The following TAS1R1 variants were observed in gnomAD, a reference collection of about 807,000 sequenced individuals.
TAS1R1 encodes the protein taste 1 receptor member 1, also known as taste receptor type 1 member 1.
Under a neutral mutation model 45.8 loss-of-function variants are expected in TAS1R1, and 31 were observed. The observed-to-expected ratio is 0.68, with a 90% confidence interval of 0.51 to 0.91. The LOEUF (loss-of-function observed/expected upper bound fraction) is 0.91. TAS1R1 is among the 40% of genes least tolerant of loss of function. The pLI is 0.00. For missense variants in TAS1R1, 1,051 were observed against 1,063.9 expected, an observed-to-expected ratio of 0.99 and a Z score of 0.17; for synonymous variants, 437 against 448.4, an observed-to-expected ratio of 0.97 and a Z score of 0.32.
intron 1 of TAS1R1, among the ~76,000 whole-genome samples, chr1:6,566,627 G>T (rs796747223): frequency 1.3e-5 from 2 of 152,188 alleles, no homozygotes; most frequent in South Asian, 2.1e-4. Flanking sequence ...ATGGAGTCTC[G>T]CTCTGTTGCC....
At position 6,555,506 on chromosome 1, in the gene TAS1R1, C is replaced by T. The variant is rs748757585; in HGVS notation, c.133C>T (p.Pro45Ser). 37 of 1,564,328 alleles carry T rather than the reference C, an allele frequency of 2.4e-5. No homozygotes were observed. The highest frequency in any genetic ancestry group is 4.7e-5 in the South Asian group (4 of 85,146). The change falls in exon 1 of 6, where the codon CCT becomes TCT. Residue 45 changes from proline (P) to serine (S), a missense_variant. Coordinates refer to ENST00000333172, the MANE Select transcript of TAS1R1 (RefSeq NM_138697.4). The stretch of plus-strand genomic sequence containing the variant: ...AGATTACCTCCTGGCAGGCCTGTTC[C>T]CTCTCCATTCTGGCTGTCTGCAGGT... Reference protein sequence around the residue: ...PGDYLLAGLFPLHSGCLQVRH... With the variant: ...PGDYLLAGLFSLHSGCLQVRH...
intron 2 of TAS1R1, among the ~76,000 whole-genome samples, 188 bp downstream of exon 2, chr1:6,571,403 A>G (rs911363357): frequency 3.9e-5 from 6 of 152,098 alleles, no homozygotes; most frequent in Non-Finnish European, 8.8e-5. Flanking sequence ...CTCTCTTTCC[A>G]GAGCTGCTTC....
chr1:6,573,914 C>A (rs998015028), intron 2 of TAS1R1, among the ~76,000 whole-genome samples: 1 of 152,106 alleles, frequency 6.6e-6, no homozygotes, highest in African/African-American at 2.4e-5. Context: ...CCACCCACCT[C>A]GGCCTCCCAA....
intron 1 of TAS1R1, 134 bp downstream of exon 1, chr1:6,555,698 A>G (rs2148664843): frequency 3.7e-6 from 3 of 803,186 alleles, no homozygotes; most frequent in Non-Finnish European, 3.8e-6. Context: ...TCATCAATCC[A>G]CTTGCCACCT....
At position 6,574,701 on chromosome 1, in the gene TAS1R1, C is replaced by T. The variant is rs1425821252; in HGVS notation, c.569C>T (p.Pro190Leu). The change falls in exon 3 of 6, where the codon CCC becomes CTC. Residue 190 changes from proline to leucine, a missense_variant. By Grantham distance (98) the Pro-to-Leu change is moderately conservative. Coordinates refer to ENST00000333172, the MANE Select transcript of TAS1R1 (RefSeq NM_138697.4). The surrounding 1 kb of genome is among the most constrained non-coding windows in gnomAD (Gnocchi z 4.3). ...TATCCCTCTTTCCTGCGCACCATCC[C>T]CAATGACAAGTACCAGGTGGAGACC... ...RQYPSFLRTIPNDKYQVETMV... is the reference protein window; with the variant it reads ...RQYPSFLRTILNDKYQVETMV... The T allele has an allele frequency of 2.5e-6, 4 of 1,614,244 alleles. No homozygotes were observed. Among genetic ancestry groups the T allele is most frequent in the Non-Finnish European group, 3.4e-6 (4 of 1,180,038 alleles).
Position 6,578,700 on chromosome 1 carries a change from G to A in TAS1R1, c.1642G>A (p.Gly548Arg), listed in dbSNP as rs975043357. ...PCGKEEWAPE[G>R]SQTCFPRTVV... ...TGGGAAAGAAGAGTGGGCACCTGAGGGAAGCCAGACCTGCTTCCCGCGCAC... is the reference window on the plus strand; with the variant it reads ...TGGGAAAGAAGAGTGGGCACCTGAGAGAAGCCAGACCTGCTTCCCGCGCAC... Residue 548 changes from glycine to arginine, a missense_variant, in exon 6 of 6, where the codon GGA becomes AGA. By Grantham distance (125) the Gly-to-Arg change is moderately radical. Transcript: ENST00000333172. The A allele has an allele frequency of 1.2e-6, 2 of 1,604,512 alleles. No homozygotes were observed. Among genetic ancestry groups the A allele is most frequent in the African/African-American group, 2.7e-5 (2 of 74,754 alleles).
At position 6,579,281 on chromosome 1, in the gene TAS1R1, T is replaced by G. The variant is rs766605928; in HGVS notation, c.2223T>G (p.Ser741Arg). Residue 741 changes from serine (S) to arginine (R), a missense_variant, in exon 6 of 6, where the codon AGT becomes AGG. Coordinates refer to ENST00000333172, the MANE Select transcript of TAS1R1 (RefSeq NM_138697.4). ...TCTACAATGGCCTCCTCTCCATCAG[T>G]GCCTTTGCCTGCAGCTACCTGGGTA... Reference protein sequence around the residue: ...AFLYNGLLSISAFACSYLGKD... With the variant: ...AFLYNGLLSIRAFACSYLGKD... 1 of 1,614,208 alleles carries G rather than the reference T, an allele frequency of 6.2e-7. No individual in the cohort carries two copies. Among genetic ancestry groups the G allele is most frequent in the East Asian group, 2.2e-5 (1 of 44,890 alleles).
Position 6,575,395 on chromosome 1 carries a change from A to G in TAS1R1, c.1260+3A>G. 1 of 1,551,348 alleles carries G rather than the reference A, an allele frequency of 6.4e-7. No individual in the cohort carries two copies. The highest frequency in any genetic ancestry group is 8.7e-7 in the Non-Finnish European group (1 of 1,151,412). On this transcript the variant is annotated splice_donor_region_variant and intron_variant, in intron 3 of 5. Transcript: ENST00000333172. ...GGGGCCGAGTCTACCCCTGGCAGGT[A>G]AGAGAGCCCACCCCAGCACCTCCTG...
At position 6,555,866 on chromosome 1, in the gene TAS1R1, C is replaced by CTTT. The variant is rs770363613; in HGVS notation, c.191+323_191+325dup. Among the ~76,000 whole-genome samples the CTTT allele has an allele frequency of 4.2e-4, 40 of 95,300 alleles. 7 individuals are homozygous for CTTT. Among genetic ancestry groups the CTTT allele is most frequent in the African/African-American group, 8.6e-4 (24 of 27,920 alleles). The allele number at this position is 95,300 out of a possible 152,430, so 62.5% of individuals were successfully genotyped here. A position where few individuals can be genotyped will look rare whatever the true frequency, so the allele number is the denominator to read the frequency against. On this transcript the variant is annotated intron_variant, in intron 1 of 5. Transcript: ENST00000333172. ...AAGCAAGGGCAGCTTTTTCCCTCTT[C>CTTT]TTTTTTTTTTTTTTTTTTTTTTTGA...
chr1:6,569,749 C>T (rs936487747), intron 1 of TAS1R1, among the ~76,000 whole-genome samples: 9 of 152,064 alleles, frequency 5.9e-5, no homozygotes, highest in South Asian at 2.1e-4. Flanking sequence ...ATGGAGGAAC[C>T]GGAGGCCTGG....
Position 6,563,076 on chromosome 1 carries a change from A to G in TAS1R1, c.191+7512A>G, listed in dbSNP as rs1181138541. Among the ~76,000 whole-genome samples, 4 of 152,352 alleles carry G rather than the reference A, an allele frequency of 2.6e-5. No individual in the cohort carries two copies. In the East Asian group the frequency reaches 7.7e-4, roughly 29 times the overall value. On this transcript the variant is annotated intron_variant, in intron 1 of 5. Coordinates refer to ENST00000333172, the MANE Select transcript of TAS1R1 (RefSeq NM_138697.4). ...TGGCAGGGAGGGGAGCTGTGCTGCA[A>G]GAGGCCCATGGGTGAATGGCCATAC... is the stretch of plus-strand genomic sequence containing the variant.
intron 5 of TAS1R1, 82 bp downstream of exon 5, chr1:6,577,152 G>T: frequency 6.3e-7 from 1 of 1,579,198 alleles, no homozygotes. Context: ...TGGGCCCCAT[G>T]TGCCCTGCCC....
In TAS1R1 at chr1:6,575,201, T is replaced by C; in HGVS notation, c.1069T>C (p.Trp357Arg). The change falls in exon 3 of 6, where the codon TGG becomes CGG. Residue 357 changes from tryptophan (W) to arginine (R), a missense_variant. By Grantham distance (101) the Trp-to-Arg change is moderately radical. Coordinates refer to ENST00000333172, the MANE Select transcript of TAS1R1 (RefSeq NM_138697.4). ...KAPRPCHKGSWCSSNQLCREC... is the reference protein window; with the variant it reads ...KAPRPCHKGSRCSSNQLCREC... ...CCCTAGGCCTTGCCACAAGGGCTCC[T>C]GGTGCAGCAGCAATCAGCTCTGCAG... 1 of 1,611,652 alleles carries C rather than the reference T, an allele frequency of 6.2e-7. No homozygotes were observed. The highest frequency in any genetic ancestry group is 2.2e-5 in the East Asian group (1 of 44,876).
Position 6,555,557 on chromosome 1 carries a change from T to G in TAS1R1, c.184T>G (p.Cys62Gly), listed in dbSNP as rs1283511329. Reference protein sequence around the residue: ...QVRHRPEVTLCDRSCSFNEHG... With the variant: ...QVRHRPEVTLGDRSCSFNEHG... Reference sequence around the variant, plus strand: ...GAGGCACAGACCCGAGGTGACCCTGTGTGACAGGTGAGTGAGGGGCCAGCA... The same window carrying G: ...GAGGCACAGACCCGAGGTGACCCTGGGTGACAGGTGAGTGAGGGGCCAGCA... The change falls in exon 1 of 6, where the codon TGT becomes GGT. Residue 62 changes from cysteine to glycine, a missense_variant. Coordinates refer to ENST00000333172, the MANE Select transcript of TAS1R1 (RefSeq NM_138697.4). The G allele has an allele frequency of 7.1e-6, 11 of 1,546,900 alleles. No homozygotes were observed. The Admixed American group carries it at 2.2e-4, about 30-fold the overall frequency.
chr1:6,575,292 A>G lies in TAS1R1; in HGVS notation c.1160A>G (p.Tyr387Cys). 1 of 1,613,106 alleles carries G rather than the reference A, an allele frequency of 6.2e-7. No individual in the cohort carries two copies. The highest frequency in any genetic ancestry group is 8.5e-7 in the Non-Finnish European group (1 of 1,180,018). Reference sequence around the variant, plus strand: ...AAAGCCTTCTCCATGAGTTCTGCCTACAACGCATACCGGGCTGTGTATGCG... The same window carrying G: ...AAAGCCTTCTCCATGAGTTCTGCCTGCAACGCATACCGGGCTGTGTATGCG... Reference protein sequence around the residue: ...KLKAFSMSSAYNAYRAVYAVA... With the variant: ...KLKAFSMSSACNAYRAVYAVA... The change falls in exon 3 of 6, where the codon TAC becomes TGC. Residue 387 changes from tyrosine to cysteine, a missense_variant. Coordinates refer to ENST00000333172, the MANE Select transcript of TAS1R1 (RefSeq NM_138697.4).
chr1:6,569,673 G>T (rs1639960075), intron 1 of TAS1R1, among the ~76,000 whole-genome samples: 1 of 152,106 alleles, frequency 6.6e-6, no homozygotes. Context: ...GTGGGAGAGG[G>T]CGTCCTGTGT....
At chr1:6,576,373 C>A in intron 3 of TAS1R1, 42 bp from the exon 4 acceptor site, 1 of 1,601,018 alleles carries the variant, frequency 6.2e-7, no homozygotes, top group Non-Finnish European at 8.6e-7. Flanking sequence ...CCATGTGGGT[C>A]TGTGCTGTCT....
chr1:6,567,941 G>A (rs949219233), intron 1 of TAS1R1, among the ~76,000 whole-genome samples: 1 of 152,132 alleles, frequency 6.6e-6, no homozygotes, highest in Non-Finnish European at 1.5e-5. Context: ...GTGCCCTTGT[G>A]TACTATGGCT....
rs2148672612 is a variant in TAS1R1, at chr1:6,571,146, G to A, written c.429G>A (p.Val143=). ...ACTATTCCCCTACGGTGCTGGCAGT[G>A]ATTGGGCCTGACAGCACCAACCGTG... ...LLHYSPTVLA[V]IGPDSTNRAA... is the part of the protein sequence containing the mutation. Residue 143 remains valine, a synonymous_variant, in exon 2 of 6, where the codon GTG becomes GTA. Transcript: ENST00000333172. 6.2e-7 allele frequency: 1 copy of A among 1,610,650 alleles called. No individual in the cohort carries two copies. Among genetic ancestry groups the A allele is most frequent in the Non-Finnish European group, 8.5e-7 (1 of 1,178,080 alleles).
Sources: gnomAD v4.1 joint callset for allele counts (sites outside exome capture counted in the v4.1 genomes callset) on GRCh38, gnomAD v4.1.1 for gene constraint, Gnocchi (gnomAD v3.1) non-coding constraint, MANE v1.5 for transcripts, NCBI Gene and HGNC (gene_info 2026-07-23, HGNC 2026-07-21) for gene names.